The following RGS8 variants were observed in gnomAD, a reference collection of about 807,000 sequenced individuals.
RGS8 encodes the protein regulator of G-protein signaling 8.
Under a neutral mutation model 21.7 loss-of-function variants are expected in RGS8, and 8 were observed. The observed-to-expected ratio is 0.37, with a 90% confidence interval of 0.22 to 0.66. The LOEUF (loss-of-function observed/expected upper bound fraction) is 0.66. RGS8 is among the 30% of genes least tolerant of loss of function. RGS8 has a pLI of 0.59. For missense variants in RGS8, 157 were observed against 217.9 expected, an observed-to-expected ratio of 0.72 and a Z score of 1.76; for synonymous variants, 80 against 83.6, an observed-to-expected ratio of 0.96 and a Z score of 0.24.
chr1:182,708,130 A>C, the RGS8 span, among the ~76,000 whole-genome samples: 1 of 152,234 alleles, frequency 6.6e-6, no homozygotes, highest in African/African-American at 2.4e-5. Flanking sequence ...TCAGTAGTGC[A>C]GATGGAATTC....
At chr1:182,688,930 A>T (rs1010219705), upstream of RGS8, among the ~76,000 whole-genome samples, 3 of 152,190 alleles carry the variant, frequency 2.0e-5, no homozygotes, top group Non-Finnish European at 4.4e-5. Context: ...ACCCGGCAAC[A>T]CTGATTTTAG....
intron 5 of RGS8, among the ~76,000 whole-genome samples, chr1:182,660,567 G>A (rs982909931): frequency 3.3e-5 from 5 of 151,356 alleles, no homozygotes; most frequent in African/African-American, 1.2e-4. Context: ...TTTATTTACT[G>A]TGGAACCCTC....
chr1:182,678,378 G>A (rs550793909), intron 1 of RGS8, among the ~76,000 whole-genome samples: 38 of 152,298 alleles, frequency 2.5e-4, no homozygotes, highest in Middle Eastern at 3.4e-3. Context: ...TTGATTTTCT[G>A]TACATTTTCC....
chr1:182,646,886 G>A (rs1297589403), exon 7 of RGS8: 7 of 1,613,922 alleles, frequency 4.3e-6, no homozygotes, highest in Non-Finnish European at 5.1e-6. Context: ...GTTCTTCCTC[G>A]TGGCTTCTCG....
the RGS8 span, among the ~76,000 whole-genome samples, chr1:182,751,820 A>G: frequency 6.6e-6 from 1 of 152,240 alleles, no homozygotes; most frequent in Non-Finnish European, 1.5e-5. Context: ...TAAAACTAGA[A>G]GCAACCTTCC....
the RGS8 span, among the ~76,000 whole-genome samples, chr1:182,738,144 A>G: frequency 2.0e-5 from 3 of 152,250 alleles, no homozygotes; most frequent in Non-Finnish European, 4.4e-5. Context: ...TTATATATTC[A>G]TTATGTTGTA....
chr1:182,646,626 AC>A (rs1662712553), exon 7 of RGS8: 1 of 1,000,290 alleles, frequency 1.0e-6, no homozygotes, highest in Non-Finnish European at 1.5e-6. Context: ...CCAGCCTCCC[AC>A]CCCCAATGCC....
intron 1 of RGS8, among the ~76,000 whole-genome samples, chr1:182,679,210 G>A (rs1664463591): frequency 6.6e-6 from 1 of 152,036 alleles, no homozygotes; most frequent in Non-Finnish European, 1.5e-5. Context: ...CAGCAAAACT[G>A]CTTGAAAGAG....
the RGS8 span, among the ~76,000 whole-genome samples, chr1:182,690,386 T>G: frequency 6.6e-6 from 1 of 152,236 alleles, no homozygotes; most frequent in African/African-American, 2.4e-5. Context: ...TGTTTCACTC[T>G]GCTATCCTCA....
the RGS8 span, among the ~76,000 whole-genome samples, chr1:182,746,484 T>A: frequency 6.6e-6 from 1 of 152,000 alleles, no homozygotes; most frequent in African/African-American, 2.4e-5. Context: ...CTGGCCAACA[T>A]GATGAAACCC....
the RGS8 span, among the ~76,000 whole-genome samples, chr1:182,751,402 G>C: frequency 1.3e-5 from 2 of 152,070 alleles, no homozygotes; most frequent in Non-Finnish European, 2.9e-5. Flanking sequence ...ACCCTATTAG[G>C]TGTCAGGTAC....
the RGS8 span, among the ~76,000 whole-genome samples, chr1:182,694,079 G>C: frequency 2.4e-4 from 37 of 151,348 alleles, no homozygotes; most frequent in African/African-American, 8.3e-4. Context: ...ACGACACACA[G>C]TTTACCTATA....
chr1:182,696,255 CTT>C, the RGS8 span, among the ~76,000 whole-genome samples: 1 of 152,200 alleles, frequency 6.6e-6, no homozygotes, highest in Non-Finnish European at 1.5e-5. Context: ...CCAAGCCTGT[CTT>C]TTGTTTCTGA....
chr1:182,719,417 A>T, the RGS8 span, among the ~76,000 whole-genome samples: 1 of 151,174 alleles, frequency 6.6e-6, no homozygotes, highest in Non-Finnish European at 1.5e-5. Flanking sequence ...TTGTTTGAAA[A>T]TTTTCAAAAT....
At position 182,684,497 on chromosome 1, in the gene RGS8, AGC is replaced by A. The variant is rs1046017095; in HGVS notation, n.78_79del. The A allele has an allele frequency of 1.3e-5, 2 of 152,368 alleles. No homozygotes were observed. Among genetic ancestry groups the A allele is most frequent in the African/African-American group, 4.8e-5 (2 of 41,400 alleles). 9.4% of individuals were successfully genotyped at this position (152,368 alleles called of 1,614,324 possible). On this transcript the variant is annotated non_coding_transcript_exon_variant, in exon 1 of 5. It removes the in-frame stop codon of an upstream open reading frame in the 5' UTR. Transcript: ENST00000515211. The surrounding 1 kb of genome is among the most constrained non-coding windows in gnomAD (Gnocchi z 4.2). ...TGGCAGAGGGCAGCCCACTTCACCC[AGC>A]GCCCCTAGAATAGCGGCTGCAACAT...
chr1:182,661,662 T>C (rs1663593378), intron 5 of RGS8, among the ~76,000 whole-genome samples: 1 of 152,170 alleles, frequency 6.6e-6, no homozygotes. Context: ...AAAGTTTGCA[T>C]GAATCTTGTG....
chr1:182,664,728 T>C (rs1227535022), intron 5 of RGS8, among the ~76,000 whole-genome samples: 1 of 152,246 alleles, frequency 6.6e-6, no homozygotes, highest in Non-Finnish European at 1.5e-5. Flanking sequence ...CTATGCTGTC[T>C]TATTTTCCTT....
At chr1:182,654,981 A>ATCAG (rs1663197034) in intron 5 of RGS8, among the ~76,000 whole-genome samples, 1 of 152,218 alleles carries the variant, frequency 6.6e-6, no homozygotes, top group South Asian at 2.1e-4. Flanking sequence ...TTAAAGTAAC[A>ATCAG]TCAGCAAGCA....
At chr1:182,697,892 G>A in the RGS8 span, among the ~76,000 whole-genome samples, 7 of 152,214 alleles carry the variant, frequency 4.6e-5, no homozygotes, top group Non-Finnish European at 8.8e-5. Flanking sequence ...CCAATTGAGT[G>A]CTTACTAGAA....
Sources: gnomAD v4.1 joint callset for allele counts (sites outside exome capture counted in the v4.1 genomes callset) on GRCh38, gnomAD v4.1.1 for gene constraint, Gnocchi (gnomAD v3.1) non-coding constraint, MANE v1.5 for transcripts, NCBI Gene and HGNC (gene_info 2026-07-23, HGNC 2026-07-21) for gene names.